The following RSPH6A variants were observed in gnomAD, a reference collection of about 807,000 sequenced individuals.
RSPH6A encodes the protein radial spoke head protein 6 homolog A.
RSPH6A carries 49 observed loss-of-function variants against 66.1 expected under a neutral mutation model. The observed-to-expected ratio is 0.74, with a 90% CI of 0.59 to 0.94. The LOEUF (loss-of-function observed/expected upper bound fraction) is 0.94, where lower values mean the gene tolerates loss of function less well. Ranked by LOEUF, RSPH6A falls within the 40% of genes least tolerant of loss-of-function variation. The pLI, the probability that RSPH6A is intolerant of heterozygous loss-of-function variation, is 0.00. For synonymous variants in RSPH6A, 419 were observed against 402.4 expected (o/e 1.04, Z -0.49); for missense variants, 977 against 948.3 (o/e 1.03, Z -0.40).
rs561137010 is a variant in RSPH6A, at chr19:45,804,392, C to T, written c.1513G>A (p.Glu505Lys). 2 of 1,614,052 alleles carry T rather than the reference C, an allele frequency of 1.2e-6. No individual in the cohort carries two copies. The highest frequency in any genetic ancestry group is 2.2e-5 in the East Asian group (1 of 44,882). ...CCTTCCTCCTCCTCGTCGCCCTCCT[C>T]CTCACTAAACTGGTAGAAGCCCAGC... ...SPLGFYQFSE[E>K]EGDEEEEGGA... The change falls in exon 3 of 6, where the codon GAG becomes AAG. Residue 505 changes from glutamate (E) to lysine (K), a missense_variant. Physicochemically the swap from Glu to Lys is moderately conservative, Grantham distance 56. Coordinates refer to ENST00000221538, the MANE Select transcript of RSPH6A (RefSeq NM_030785.4). The surrounding 1 kb of genome is among the most constrained non-coding windows in gnomAD (Gnocchi z 5.8).
chr19:45,803,549 GC>G (rs1970498563), intron 3 of RSPH6A, among the ~76,000 whole-genome samples: 1 of 152,072 alleles, frequency 6.6e-6, no homozygotes, highest in Non-Finnish European at 1.5e-5. Flanking sequence ...GATGGCACAT[GC>G]CTGTAATCCC....
intron 2 of RSPH6A, among the ~76,000 whole-genome samples, chr19:45,805,731 A>G (rs887555673): frequency 4.6e-5 from 7 of 152,030 alleles, no homozygotes; most frequent in African/African-American, 1.7e-4. Flanking sequence ...AACCTAAAAG[A>G]TTCTGTAACT....
rs771185702 is a variant in RSPH6A at position 45,804,971 on chromosome 19, C to T, written c.934G>A (p.Glu312Lys). The T allele has an allele frequency of 4.3e-6, 7 of 1,613,546 alleles. No homozygotes were observed. The highest frequency in any genetic ancestry group is 3.3e-5 in the South Asian group (3 of 91,072). ...PNIMETAFYF[E>K]QAGVGLSSDE... ...GAGCTCAGGCCGACGCCGGCCTGCT[C>T]GAAGTAGAAGGCAGTCTCCATGATG... The change falls in exon 3 of 6, where the codon GAG (glutamate) becomes AAG (lysine). Residue 312 changes from glutamate to lysine, a missense_variant. By Grantham distance (56) the Glu-to-Lys change is moderately conservative (BLOSUM62 1). Transcript: ENST00000221538. This position sits in a 1 kb window ranked among gnomAD's most constrained non-coding sequence, Gnocchi z 5.8.
At chr19:45,811,085 C>T (rs1284890103) in intron 1 of RSPH6A, among the ~76,000 whole-genome samples, 1 of 152,190 alleles carries the variant, frequency 6.6e-6, no homozygotes, top group South Asian at 2.1e-4. Context: ...CCTCTGCCTC[C>T]CGGGTTCAAA....
chr19:45,806,972 G>T (rs1204426652), intron 2 of RSPH6A, among the ~76,000 whole-genome samples: 1 of 151,432 alleles, frequency 6.6e-6, no homozygotes, highest in Non-Finnish European at 1.5e-5. Context: ...TCAGCTCACT[G>T]CAACCTCCAC....
At chr19:45,799,331 G>T (rs1427775269) in intron 5 of RSPH6A, among the ~76,000 whole-genome samples, 2 of 152,174 alleles carry the variant, frequency 1.3e-5, no homozygotes, top group African/African-American at 4.8e-5. Context: ...GTGTAGCTGG[G>T]TGGGAGGATG....
intron 1 of RSPH6A, among the ~76,000 whole-genome samples, chr19:45,812,797 T>C (rs1401752129): frequency 1.3e-5 from 2 of 152,038 alleles, no homozygotes; most frequent in South Asian, 2.1e-4. Flanking sequence ...CCGGTTCAAG[T>C]GATTCTCCTG....
intron 1 of RSPH6A, 39 bp from the exon 2 acceptor site, chr19:45,810,879 C>A: frequency 6.6e-7 from 1 of 1,526,050 alleles, no homozygotes; most frequent in South Asian, 1.2e-5. Flanking sequence ...AGGGACCTCA[C>A]TCACTCAGCT....
chr19:45,813,977 G>A (rs935889204), intron 1 of RSPH6A, among the ~76,000 whole-genome samples: 1 of 152,056 alleles, frequency 6.6e-6, no homozygotes, highest in Admixed American at 6.6e-5. Flanking sequence ...TGGGCAACAT[G>A]GTGAAATCTT....
At chr19:45,802,287 G>A (rs376954189) in intron 3 of RSPH6A, 23 bp from the exon 4 acceptor site, 2 of 1,348,542 alleles carry the variant, frequency 1.5e-6, no homozygotes, top group Non-Finnish European at 9.7e-7. Flanking sequence ...GGAAGCTCAG[G>A]TGATGGCCCC....
chr19:45,809,300 CTTTTTTT>C (rs56341608), intron 2 of RSPH6A, among the ~76,000 whole-genome samples: 2 of 70,786 alleles, frequency 2.8e-5, no homozygotes, highest in Non-Finnish European at 2.5e-5. Context: ...TGCGCCTGGC[CTTTTTTT>C]TTTTTTTTTT....
intron 2 of RSPH6A, among the ~76,000 whole-genome samples, chr19:45,806,845 C>A (rs2146286549): frequency 6.6e-6 from 1 of 151,988 alleles, no homozygotes; most frequent in African/African-American, 2.4e-5. Context: ...ACAAGGCTGT[C>A]CCCAACACTT....
intron 2 of RSPH6A, among the ~76,000 whole-genome samples, chr19:45,808,631 T>C (rs1326540752): frequency 6.7e-6 from 1 of 150,234 alleles, no homozygotes; most frequent in Non-Finnish European, 1.5e-5. Context: ...AATAAAATTA[T>C]AGATGTGAGA....
rs1970695117 is a variant in RSPH6A, at chr19:45,815,300, G to A, written c.-124C>T. The stretch of plus-strand genomic sequence containing the variant: ...GAGGGGGCCGTTACCCGTGGAGGGC[G>A]CGGGGAGCGGGCCAGGGTGGGTTCC... On this transcript the variant is annotated 5_prime_UTR_variant, in exon 1 of 6. Transcript: ENST00000221538. 1.7e-5 allele frequency: 20 copies of A among 1,185,420 alleles called. No individual in the cohort carries two copies. The highest frequency in any genetic ancestry group is 2.6e-5 in the East Asian group (1 of 38,934). The allele number at this position is 1,185,420 out of a possible 1,614,324, so 73.4% of individuals were successfully genotyped here. A position where few individuals can be genotyped will look rare whatever the true frequency, so the allele number is the denominator to read the frequency against.
chr19:45,815,247 C>A lies in RSPH6A; in HGVS notation c.-71G>T. 1 of 1,423,380 alleles carries A rather than the reference C, an allele frequency of 7.0e-7. No individual in the cohort carries two copies. The highest frequency in any genetic ancestry group is 9.3e-7 in the Non-Finnish European group (1 of 1,079,494). The allele number at this position is 1,423,380 out of a possible 1,614,324, so 88.2% of individuals were successfully genotyped here. ...AGGAGGCCAAGCGAGAGCCACCTGT[C>A]GACACCGCCGGTTTCTGAGCACCGA... On this transcript the variant is annotated 5_prime_UTR_variant, in exon 1 of 6. Transcript: ENST00000221538.
chr19:45,796,144 A>C, intron 5 of RSPH6A, 38 bp from the exon 6 acceptor site: 25 of 1,442,778 alleles, frequency 1.7e-5, no homozygotes, highest in Non-Finnish European at 2.3e-5. Context: ...TTCTCCCTCA[A>C]AGGCCCCAGA....
At chr19:45,796,906 C>T (rs890169440) in intron 5 of RSPH6A, among the ~76,000 whole-genome samples, 2 of 152,080 alleles carry the variant, frequency 1.3e-5, no homozygotes, top group Non-Finnish European at 2.9e-5. Context: ...CCTCCACCTC[C>T]CAAAGTTTAA....
At chr19:45,798,558 G>C (rs947690515) in intron 5 of RSPH6A, among the ~76,000 whole-genome samples, 28 of 138,742 alleles carry the variant, frequency 2.0e-4, no homozygotes, top group South Asian at 1.4e-3. Context: ...AAAAAAAAAG[G>C]CCAGGCGCGG....
rs768862390 is a variant in RSPH6A, at chr19:45,810,799, T to G, written c.692A>C (p.Gln231Pro). The G allele has an allele frequency of 1.1e-5, 17 of 1,613,194 alleles. No homozygotes were observed. Among genetic ancestry groups the G allele is most frequent in the Non-Finnish European group, 1.4e-5 (16 of 1,179,268 alleles). ...LVNLLTKILN[Q>P]RPEDPLSVLE... ...GACAGACAAGGGGTCCTCAGGCCGC[T>G]GGTTCAGGATCTTGGTCAGCAGATT... Residue 231 changes from glutamine to proline, a missense_variant, in exon 2 of 6, where the codon CAG becomes CCG. Gln to Pro is a moderately conservative substitution (Grantham distance 76). Coordinates refer to ENST00000221538, the MANE Select transcript of RSPH6A (RefSeq NM_030785.4).
Sources: allele counts gnomAD v4.1 joint callset (sites outside exome capture counted in the v4.1 genomes callset), GRCh38; gene constraint gnomAD v4.1.1; non-coding constraint Gnocchi (gnomAD v3.1); transcripts MANE v1.5; gene names NCBI Gene and HGNC (gene_info 2026-07-23, HGNC 2026-07-21).